The following NAALADL2 variants were observed in gnomAD, a reference collection of about 807,000 sequenced individuals.
The protein encoded by NAALADL2 is inactive N-acetylated-alpha-linked acidic dipeptidase-like protein 2.
NAALADL2 carries 76 observed loss-of-function variants against 87.2 expected under a neutral mutation model. The ratio of observed to expected loss-of-function variants is 0.87; its 90% CI spans 0.72 to 1.05. The LOEUF is 1.05. NAALADL2 is among the 50% of genes least tolerant of loss of function. The pLI, the probability that NAALADL2 is intolerant of heterozygous loss-of-function variation, is 0.00. For synonymous variants in NAALADL2, 354 were observed against 331.0 expected (o/e 1.07, Z -0.75); for missense variants, 1,089 against 945.8 (o/e 1.15, Z -1.99).
chr3:175,677,236 G>T (rs563204002), intron 11 of NAALADL2, among the ~76,000 whole-genome samples: 30 of 152,044 alleles, frequency 2.0e-4, no homozygotes, highest in African/African-American at 6.3e-4. Context: ...GGTGGTGTGC[G>T]CCTGTAGTCC....
intron 10 of NAALADL2, among the ~76,000 whole-genome samples, chr3:175,619,268 G>GA (rs1491229046): frequency 2.8e-5 from 1 of 35,912 alleles, no homozygotes; most frequent in Admixed American, 3.6e-4. Context: ...AGGAAGGAAG[G>GA]AGAAGGAAAG....
intron 5 of NAALADL2, among the ~76,000 whole-genome samples, chr3:175,420,720 T>A (rs1715554284): frequency 6.6e-6 from 1 of 152,034 alleles, no homozygotes; most frequent in Non-Finnish European, 1.5e-5. Context: ...AAACAGCTCA[T>A]TAAGTGGTTG....
intron 9 of NAALADL2, among the ~76,000 whole-genome samples, chr3:175,572,954 T>C (rs1718311099): frequency 6.6e-6 from 1 of 152,098 alleles, no homozygotes; most frequent in African/African-American, 2.4e-5. Context: ...TGTGCAATGT[T>C]AGAAAGGTGC....
chr3:175,154,430 G>C (rs569210534), intron 2 of NAALADL2, among the ~76,000 whole-genome samples: 1 of 152,108 alleles, frequency 6.6e-6, no homozygotes, highest in South Asian at 2.1e-4. Flanking sequence ...TCACCTACTT[G>C]ATAGGTAACC....
intron 1 of NAALADL2, among the ~76,000 whole-genome samples, chr3:175,018,364 T>C (rs887312775): frequency 6.6e-6 from 1 of 152,008 alleles, no homozygotes; most frequent in Non-Finnish European, 1.5e-5. Context: ...TTAAGCAAAA[T>C]AGAGAAGGCA....
chr3:174,595,881 G>A (rs935252008), intron 2 of NAALADL2, among the ~76,000 whole-genome samples: 3 of 152,056 alleles, frequency 2.0e-5, no homozygotes, highest in African/African-American at 2.4e-5. Flanking sequence ...GTGTGGTGGC[G>A]CATGCCTGTA....
chr3:174,634,100 T>G (rs551183440), intron 2 of NAALADL2, among the ~76,000 whole-genome samples: 15 of 152,306 alleles, frequency 9.8e-5, no homozygotes, highest in African/African-American at 3.6e-4. Context: ...TACGGATGAG[T>G]TAAAGATCTC....
In NAALADL2 at chr3:175,234,103, T is replaced by C; in HGVS notation, c.718T>C (p.Phe240Leu). 1 of 1,613,894 alleles carries C rather than the reference T, an allele frequency of 6.2e-7. No homozygotes were observed. Among genetic ancestry groups the C allele is most frequent in the Non-Finnish European group, 8.5e-7 (1 of 1,179,836 alleles). ...GACTCTGAGCAGCAGTGGTCAATGC[T>C]TTCATCCTAATGGCCAGCCTTGCAG... ...TVTLSSSGQC[F>L]HPNGQPCSEE... Residue 240 changes from phenylalanine to leucine, a missense_variant, in exon 3 of 14, where the codon TTT becomes CTT. By Grantham distance (22) the Phe-to-Leu change is conservative (BLOSUM62 0). Coordinates refer to ENST00000454872, the MANE Select transcript of NAALADL2 (RefSeq NM_207015.3).
At chr3:175,100,715 A>G (rs1435551251) in intron 2 of NAALADL2, among the ~76,000 whole-genome samples, 1 of 151,708 alleles carries the variant, frequency 6.6e-6, no homozygotes, top group Non-Finnish European at 1.5e-5. Context: ...TTGGGCACCT[A>G]TAATCCCAGT....
intron 12 of NAALADL2, among the ~76,000 whole-genome samples, chr3:175,746,435 G>C (rs1745956300): frequency 6.7e-6 from 1 of 149,996 alleles, no homozygotes; most frequent in Admixed American, 6.7e-5. Flanking sequence ...CGTACAGTTT[G>C]CCTGAGTCTA....
At chr3:175,298,992 T>G (rs1756704012) in intron 4 of NAALADL2, among the ~76,000 whole-genome samples, 1 of 152,164 alleles carries the variant, frequency 6.6e-6, no homozygotes, top group African/African-American at 2.4e-5. Context: ...TTAAGCAGAT[T>G]CTTTCAAAGT....
chr3:175,079,661 A>G (rs1717353706), intron 1 of NAALADL2, among the ~76,000 whole-genome samples: 1 of 152,196 alleles, frequency 6.6e-6, no homozygotes. Context: ...TAATTTTTGG[A>G]ATAAGATATA....
intron 1 of NAALADL2, among the ~76,000 whole-genome samples, chr3:174,474,323 T>TAC (rs763445641): frequency 7.8e-4 from 119 of 152,310 alleles, no homozygotes; most frequent in Non-Finnish European, 1.2e-3. Context: ...ACACTGAATG[T>TAC]AGTCATAATG....
intron 2 of NAALADL2, among the ~76,000 whole-genome samples, chr3:175,110,347 C>T (rs531529946): frequency 4.6e-5 from 7 of 151,742 alleles, no homozygotes; most frequent in African/African-American, 1.7e-4. Flanking sequence ...AAAATACAGG[C>T]CATATTAGTG....
intron 3 of NAALADL2, among the ~76,000 whole-genome samples, chr3:174,769,756 G>GT (rs1026603629): frequency 7.2e-4 from 108 of 150,862 alleles, no homozygotes; most frequent in Admixed American, 1.7e-3. Context: ...ACAATTAAAA[G>GT]TTTTTTTCTC....
intron 5 of NAALADL2, among the ~76,000 whole-genome samples, chr3:175,340,271 C>T (rs1649133326): frequency 6.6e-6 from 1 of 152,076 alleles, no homozygotes; most frequent in South Asian, 2.1e-4. Context: ...GCTATAAAAT[C>T]ACATCTGAAT....
chr3:175,055,898 G>A (rs145502734), intron 1 of NAALADL2, among the ~76,000 whole-genome samples: 3,127 of 152,242 alleles, frequency 0.021, 48 homozygotes, highest in Admixed American at 0.031. Flanking sequence ...CACAGGCCTT[G>A]ATATAATCAA....
chr3:175,768,374 CTA>C (rs1381869081), intron 13 of NAALADL2, among the ~76,000 whole-genome samples: 1 of 152,098 alleles, frequency 6.6e-6, no homozygotes, highest in East Asian at 1.9e-4. Context: ...CTTTTTTGAT[CTA>C]TCAGATTACT....
At chr3:174,818,075 A>C (rs1409850830) in intron 3 of NAALADL2, among the ~76,000 whole-genome samples, 1 of 152,138 alleles carries the variant, frequency 6.6e-6, no homozygotes. Context: ...GTCTGTTGTT[A>C]GTACCGGGTT....
Sources: allele counts gnomAD v4.1 joint callset (sites outside exome capture counted in the v4.1 genomes callset), GRCh38; gene constraint gnomAD v4.1.1; transcripts MANE v1.5; gene names NCBI Gene and HGNC (gene_info 2026-07-23, HGNC 2026-07-21).